SPDYE12: variants seen among roughly 807,000 people sequenced by gnomAD.
SPDYE12 encodes the protein speedy protein E12.
the SPDYE12 span, among the ~76,000 whole-genome samples, chr7:74,907,586 G>T: frequency 6.6e-6 from 1 of 150,472 alleles, no homozygotes; most frequent in East Asian, 1.9e-4. Context: ...ACAAAAATCA[G>T]CCTGGTGCGG....
the SPDYE12 span, among the ~76,000 whole-genome samples, chr7:74,908,059 A>G: frequency 2.7e-5 from 4 of 150,622 alleles, no homozygotes; most frequent in African/African-American, 9.7e-5. Flanking sequence ...GTAACTGGAG[A>G]GCTACGGGCA....
At chr7:74,907,224 C>T in the SPDYE12 span, 14 of 1,202,008 alleles carry the variant, frequency 1.2e-5, no homozygotes, top group South Asian at 1.6e-4. Context: ...TGCAGAGAGC[C>T]ATGCCTTCCT....
the SPDYE12 span, among the ~76,000 whole-genome samples, chr7:74,904,862 C>A: frequency 2.7e-5 from 4 of 148,606 alleles, no homozygotes; most frequent in African/African-American, 9.8e-5. Flanking sequence ...ATTCTATACC[C>A]ATGTTTTTCA....
At chr7:74,909,513 A>T in the SPDYE12 span, 25 of 1,548,806 alleles carry the variant, frequency 1.6e-5, 1 homozygote, top group Non-Finnish European at 2.1e-5. Flanking sequence ...GAGGCAGCAA[A>T]CCACTCACAG....
chr7:74,914,928 A>C, the SPDYE12 span, among the ~76,000 whole-genome samples: 53 of 94,138 alleles, frequency 5.6e-4, no homozygotes, highest in East Asian at 3.8e-3. Flanking sequence ...CATCTCAAAA[A>C]AAAAAAACAA....
At chr7:74,910,750 G>A in the SPDYE12 span, 2 of 1,467,902 alleles carry the variant, frequency 1.4e-6, 1 homozygote. Context: ...GGGAGGTGGT[G>A]GAGGGAGAAC....
At chr7:74,906,280 G>A in the SPDYE12 span, among the ~76,000 whole-genome samples, 29 of 142,006 alleles carry the variant, frequency 2.0e-4, 1 homozygote, top group African/African-American at 7.6e-4. Flanking sequence ...CCTCGACCCA[G>A]ATCGGTAACT....
At chr7:74,912,770 C>CTTTTT in the SPDYE12 span, among the ~76,000 whole-genome samples, 98 of 11,238 alleles carry the variant, frequency 8.7e-3, 28 homozygotes, top group Non-Finnish European at 0.012. Context: ...TTTTTTTCTT[C>CTTTTT]TTTTTTTTTT....
chr7:74,908,746 T>A, the SPDYE12 span, among the ~76,000 whole-genome samples: 2 of 132,778 alleles, frequency 1.5e-5, no homozygotes, highest in African/African-American at 5.6e-5. Flanking sequence ...CGATCTCGGC[T>A]CACTGCAAGC....
the SPDYE12 span, chr7:74,909,718 C>G: frequency 6.9e-7 from 1 of 1,457,958 alleles, no homozygotes; most frequent in Non-Finnish European, 9.6e-7. Context: ...GAGAAGGGAC[C>G]TCAGCATTGG....
chr7:74,907,024 T>C, the SPDYE12 span: 1 of 1,585,888 alleles, frequency 6.3e-7, no homozygotes, highest in Non-Finnish European at 8.6e-7. Flanking sequence ...AGAGCGGGTC[T>C]CCTCGTACAG....
chr7:74,912,414 C>T, the SPDYE12 span, among the ~76,000 whole-genome samples: 2 of 33,224 alleles, frequency 6.0e-5, 1 homozygote, highest in South Asian at 2.5e-3. Context: ...TTTTTTGTTT[C>T]GAGACAGAAT....
At chr7:74,904,541 T>G in the SPDYE12 span, among the ~76,000 whole-genome samples, 1 of 151,500 alleles carries the variant, frequency 6.6e-6, no homozygotes, top group Non-Finnish European at 1.5e-5. Context: ...GCTATAAATG[T>G]AATATATATG....
chr7:74,906,293 A>G, the SPDYE12 span, among the ~76,000 whole-genome samples: 1 of 140,744 alleles, frequency 7.1e-6, no homozygotes, highest in East Asian at 2.0e-4. Context: ...CGGTAACTCA[A>G]GTGCATCAAT....
chr7:74,904,597 C>T, the SPDYE12 span, among the ~76,000 whole-genome samples: 83 of 151,476 alleles, frequency 5.5e-4, 3 homozygotes, highest in Admixed American at 2.2e-3. Context: ...TTCAGCAGCA[C>T]GTGTAATAAT....
the SPDYE12 span, among the ~76,000 whole-genome samples, chr7:74,910,164 C>G: frequency 7.0e-6 from 1 of 143,268 alleles, no homozygotes; most frequent in African/African-American, 2.6e-5. Flanking sequence ...GTGAGCCCAA[C>G]AGTTGGAGAA....
the SPDYE12 span, among the ~76,000 whole-genome samples, chr7:74,907,812 A>C: frequency 2.0e-5 from 3 of 149,794 alleles, no homozygotes; most frequent in East Asian, 5.8e-4. Flanking sequence ...GTCGGAGCTA[A>C]TCAAGAGGCT....
the SPDYE12 span, chr7:74,911,950 C>T: frequency 5.7e-5 from 2 of 35,246 alleles, no homozygotes; most frequent in East Asian, 4.5e-4. Flanking sequence ...TTGAAGGCCT[C>T]GTAGTACTCA....
At chr7:74,908,661 CTTTTTTTTTT>C in the SPDYE12 span, among the ~76,000 whole-genome samples, 3 of 58,600 alleles carry the variant, frequency 5.1e-5, no homozygotes, top group Non-Finnish European at 8.6e-5. Context: ...GTTTTTTGTT[CTTTTTTTTTT>C]TTTTTTTTTT....
Sources: allele counts gnomAD v4.1 joint callset (sites outside exome capture counted in the v4.1 genomes callset), GRCh38; gene constraint gnomAD v4.1.1; transcripts MANE v1.5; gene names NCBI Gene and HGNC (gene_info 2026-07-23, HGNC 2026-07-21).